The following YIF1B variants were observed in gnomAD, a reference collection of about 807,000 sequenced individuals.
YIF1B encodes Yip1 interacting factor homolog B, membrane trafficking protein.
In YIF1B, 24 loss-of-function variants were observed where a neutral mutation model predicts 34.6. The ratio of observed to expected loss-of-function variants is 0.69; its 90% CI spans 0.50 to 0.98. The LOEUF is 0.98. YIF1B is among the 50% of genes least tolerant of loss of function. YIF1B has a pLI of 0.00. For missense variants in YIF1B, 368 were observed against 429.4 expected, an observed-to-expected ratio of 0.86 and a Z score of 1.26; for synonymous variants, 186 against 184.8, an observed-to-expected ratio of 1.01 and a Z score of -0.05.
In YIF1B at chr19:38,307,722, C is replaced by G. The variant is rs200933266; in HGVS notation, c.570G>C (p.Ala190=). The G allele has an allele frequency of 1.2e-6, 2 of 1,613,014 alleles. No individual in the cohort carries two copies. Among genetic ancestry groups the G allele is most frequent in the African/African-American group, 2.7e-5 (2 of 74,882 alleles). Residue 190 remains alanine (A), a synonymous_variant, in exon 6 of 8, where the codon GCG becomes GCC. Transcript: ENST00000339413. The part of the protein sequence containing the change: ...RFSPDLLGLQ[A]SSALAWLTLE... The stretch of plus-strand genomic sequence containing the variant: ...GGGTCAGCCAGGCCAGGGCTGAGCT[C>G]GCTTGCAGCCCCAGGAGGTCTGGGG...
At chr19:38,319,079 C>G (rs1199669050), upstream of YIF1B, among the ~76,000 whole-genome samples, 1 of 151,918 alleles carries the variant, frequency 6.6e-6, no homozygotes. Context: ...GATCATTGTA[C>G]CCTTGCTTCC....
intron 2 of YIF1B, 30 bp downstream of exon 2, chr19:38,309,375 C>T (rs1379972788): frequency 6.2e-7 from 1 of 1,612,812 alleles, no homozygotes; most frequent in Non-Finnish European, 8.5e-7. Context: ...CCCGTGCATC[C>T]CCCCACTCCC....
chr19:38,317,648 CG>C (rs949136120), upstream of YIF1B, among the ~76,000 whole-genome samples: 9 of 152,000 alleles, frequency 5.9e-5, no homozygotes, highest in African/African-American at 2.2e-4. Flanking sequence ...GATGCGATCT[CG>C]GCTCACTGCA....
rs1968887423 is a variant in YIF1B at position 38,304,340 on chromosome 19, G to A, written c.*1012C>T. On this transcript the variant is annotated 3_prime_UTR_variant, in exon 8 of 8. Transcript: ENST00000339413. ...CAGGGGGCCGGACTCAAGCCCAGAA[G>A]CTGCCTGCACCAACCACCCAACTTC... 1 of 1,610,414 alleles carries A rather than the reference G, an allele frequency of 6.2e-7. No homozygotes were observed. Among genetic ancestry groups the A allele is most frequent in the Admixed American group, 1.7e-5 (1 of 59,400 alleles).
rs965444621 is a variant in YIF1B, at chr19:38,309,599, G to A, written c.103C>T (p.Pro35Ser). Residue 35 changes from proline to serine, a missense_variant, in exon 2 of 8, where the codon CCC becomes TCC. Physicochemically the swap from Pro to Ser is moderately conservative, Grantham distance 74. Around this residue, in one of 3 missense-constraint regions of YIF1B, gnomAD observed 153 missense variants for 156.7 expected, o/e 0.98. Coordinates refer to ENST00000339413, the MANE Select transcript of YIF1B (RefSeq NM_001039672.3). The part of the protein sequence containing the change: ...IPVSQPGMAD[P>S]HQLFDDTSSA... ...CTTGTGTCATCGAAAAGCTGGTGGG[G>A]GTCGGCCATGCCCGGCTGGGACACA... 1.8e-5 allele frequency: 28 copies of A among 1,598,922 alleles called. No homozygotes were observed. The highest frequency in any genetic ancestry group is 2.3e-5 in the Non-Finnish European group (27 of 1,173,456).
At position 38,309,020 on chromosome 19, in the gene YIF1B, G is replaced by A. The variant is rs758473466; in HGVS notation, c.440C>T (p.Ala147Val). ...CGGGGCATTGACGTCAAAGCGGGGG[G>A]CCACCGGGGTGTCCTGTTGGTACTG... ...EVQYQQDTPV[A>V]PRFDVNAPDL... The change falls in exon 4 of 8, where the codon GCC (alanine) becomes GTC (valine). Residue 147 changes from alanine to valine, a missense_variant. This residue lies in a region of YIF1B where 208 missense variants were observed against 247.8 expected (regional missense o/e 0.84). Coordinates refer to ENST00000339413, the MANE Select transcript of YIF1B (RefSeq NM_001039672.3). 3.8e-6 allele frequency: 6 copies of A among 1,565,530 alleles called. No homozygotes were observed. The highest frequency in any genetic ancestry group is 3.5e-5 in the South Asian group (3 of 84,758).
upstream of YIF1B, among the ~76,000 whole-genome samples, chr19:38,318,193 CAAAA>C (rs35748833): frequency 1.7e-4 from 5 of 29,874 alleles, no homozygotes; most frequent in Non-Finnish European, 2.4e-4. Context: ...ACTCTTGTCT[CAAAA>C]AAAAAAAAAA....
chr19:38,320,331 C>T, upstream of YIF1B: 1 of 1,565,082 alleles, frequency 6.4e-7, no homozygotes, highest in Non-Finnish European at 8.7e-7. Flanking sequence ...TCATCCTTAA[C>T]CCCTGGGGAC....
In YIF1B at chr19:38,304,420, G is replaced by A; in HGVS notation, c.*932C>T. 1 of 1,562,772 alleles carries A rather than the reference G, an allele frequency of 6.4e-7. No homozygotes were observed. Among genetic ancestry groups the A allele is most frequent in the South Asian group, 1.2e-5 (1 of 85,398 alleles). ...AAGCCCGGTGTGGGGGCGGGCCACGGGGGAGATCCCAAGCTCAGTCCCCAC... is the reference window on the plus strand; with the variant it reads ...AAGCCCGGTGTGGGGGCGGGCCACGAGGGAGATCCCAAGCTCAGTCCCCAC... On this transcript the variant is annotated 3_prime_UTR_variant, in exon 8 of 8. Transcript: ENST00000339413.
chr19:38,316,059 C>G (rs941291139), upstream of YIF1B: 34 of 1,245,000 alleles, frequency 2.7e-5, no homozygotes, highest in Middle Eastern at 2.9e-4. Flanking sequence ...CTCCAGCCCC[C>G]CCCTTCACGG....
intron 7 of YIF1B, 101 bp from the exon 8 acceptor site, chr19:38,305,608 A>G: frequency 7.0e-7 from 1 of 1,436,776 alleles, no homozygotes; most frequent in South Asian, 1.5e-5. Context: ...TAGAAGCCCC[A>G]GGCAGCTGGG....
At chr19:38,308,656 G>T in intron 5 of YIF1B, 136 bp downstream of exon 5, 1 of 1,002,090 alleles carries the variant, frequency 1.0e-6, no homozygotes, top group Non-Finnish European at 1.6e-6. Context: ...GACCCTGAGG[G>T]CTGTATCTTG....
In YIF1B at chr19:38,309,020, G is replaced by T; in HGVS notation, c.440C>A (p.Ala147Asp). The T allele has an allele frequency of 1.3e-6, 2 of 1,565,530 alleles. No individual in the cohort carries two copies. Among genetic ancestry groups the T allele is most frequent in the Admixed American group, 1.9e-5 (1 of 53,388 alleles). ...CGGGGCATTGACGTCAAAGCGGGGG[G>T]CCACCGGGGTGTCCTGTTGGTACTG... ...EVQYQQDTPV[A>D]PRFDVNAPDL... Residue 147 changes from alanine (A) to aspartate (D), a missense_variant, in exon 4 of 8, where the codon GCC becomes GAC. By Grantham distance (126) the Ala-to-Asp change is moderately radical. Coordinates refer to ENST00000339413, the MANE Select transcript of YIF1B (RefSeq NM_001039672.3).
At chr19:38,320,347 G>A, upstream of YIF1B, 1 of 1,507,580 alleles carries the variant, frequency 6.6e-7, no homozygotes, top group Non-Finnish European at 9.0e-7. Flanking sequence ...GGGACCCCGG[G>A]GCCCTCACGA....
At position 38,304,079 on chromosome 19, in the gene YIF1B, A is replaced by G; in HGVS notation, c.*1273T>C. 1.3e-6 allele frequency: 1 copy of G among 740,980 alleles called. No individual in the cohort carries two copies. The highest frequency in any genetic ancestry group is 2.2e-6 in the Non-Finnish European group (1 of 463,304). 45.9% of individuals were successfully genotyped at this position (740,980 alleles called of 1,614,324 possible). ...AAGCAGTCACCTGTCCATCTCCCCC[A>G]CTTCTCACAGAGGAAATCCTGGGTG... On this transcript the variant is annotated 3_prime_UTR_variant, in exon 8 of 8. Coordinates refer to ENST00000339413, the MANE Select transcript of YIF1B (RefSeq NM_001039672.3).
upstream of YIF1B, chr19:38,319,797 C>T: frequency 1.3e-6 from 1 of 771,572 alleles, no homozygotes; most frequent in Non-Finnish European, 1.9e-6. Context: ...ATTCCTCCGT[C>T]GCCGCCCCCC....
At chr19:38,308,918 A>G (rs977042153) in intron 4 of YIF1B, 61 bp downstream of exon 4, 2 of 1,613,206 alleles carry the variant, frequency 1.2e-6, no homozygotes, top group African/African-American at 2.7e-5. Flanking sequence ...AGGCACCCAC[A>G]CACCCGCTCC....
At position 38,305,455 on chromosome 19, in the gene YIF1B, G is replaced by T; in HGVS notation, c.842C>A (p.Pro281Gln). 1 of 1,609,590 alleles carries T rather than the reference G, an allele frequency of 6.2e-7. No individual in the cohort carries two copies. Among genetic ancestry groups the T allele is most frequent in the Non-Finnish European group, 8.5e-7 (1 of 1,177,752 alleles). The change falls in exon 8 of 8, where the codon CCG becomes CAG. Residue 281 changes from proline to glutamine, a missense_variant. Around this residue, in one of 3 missense-constraint regions of YIF1B, gnomAD observed 208 missense variants for 247.8 expected, o/e 0.84. Transcript: ENST00000339413. The stretch of plus-strand genomic sequence containing the variant: ...CAGCTGGTTCCGGGCCCCACGCACC[G>T]GGACCCCCTCAGCTGCTGCGTCTGC... ...ILADAAAEGV[P>Q]VRGARNQLRM...
intron 1 of YIF1B, among the ~76,000 whole-genome samples, chr19:38,311,299 C>A (rs1266698389): frequency 2.3e-4 from 35 of 150,102 alleles, no homozygotes; most frequent in African/African-American, 5.4e-4. Flanking sequence ...AAAAAAAAAA[C>A]AAAAAACAAA....
Sources: gnomAD v4.1 joint callset for allele counts (sites outside exome capture counted in the v4.1 genomes callset) on GRCh38, gnomAD v4.1.1 for gene constraint, gnomAD v4.1.1 regional missense constraint, MANE v1.5 for transcripts, NCBI Gene and HGNC (gene_info 2026-07-23, HGNC 2026-07-21) for gene names.